HIVEP3: variants seen among roughly 807,000 people sequenced by gnomAD.
The protein encoded by HIVEP3 is transcription factor HIVEP3.
HIVEP3 carries 49 observed loss-of-function variants against 152.8 expected under a neutral mutation model. The ratio of observed to expected loss-of-function variants is 0.32; its 90% CI spans 0.26 to 0.41. HIVEP3 has a LOEUF of 0.41. Ranked by LOEUF, HIVEP3 falls within the 10% of genes least tolerant of loss-of-function variation. HIVEP3 has a pLI of 1.00. For missense variants in HIVEP3, 2,790 were observed against 3,103.3 expected (o/e 0.90, Z 2.40); for synonymous variants, 1,269 against 1,289.0 (o/e 0.98, Z 0.33).
chr1:41,709,165 G>A (rs78670063), intron 1 of HIVEP3, among the ~76,000 whole-genome samples: 2,606 of 152,310 alleles, frequency 0.017, 76 homozygotes, highest in African/African-American at 0.06. Flanking sequence ...GCTGGCCAAC[G>A]GGGAAGCTGG....
At chr1:41,768,153 C>A (rs1252098648) in intron 1 of HIVEP3, among the ~76,000 whole-genome samples, 2 of 152,156 alleles carry the variant, frequency 1.3e-5, no homozygotes, top group African/African-American at 2.4e-5. Context: ...ATAACTGAGA[C>A]TCGGAAGAAA....
At chr1:42,020,733 T>G (rs1055265084) in intron 1 of HIVEP3, among the ~76,000 whole-genome samples, 2 of 152,196 alleles carry the variant, frequency 1.3e-5, no homozygotes, top group East Asian at 1.9e-4. Context: ...TCCTGCTTCA[T>G]GGAGTTTTCA....
At chr1:41,628,993 A>G in intron 2 of HIVEP3, 46 bp from the exon 3 acceptor site, 1 of 1,214,794 alleles carries the variant, frequency 8.2e-7, no homozygotes, top group Non-Finnish European at 1.0e-6. Flanking sequence ...TTTCTTGGTC[A>G]ACTTTTTTAG....
chr1:41,666,083 T>C (rs543573310), intron 2 of HIVEP3, among the ~76,000 whole-genome samples: 2 of 152,138 alleles, frequency 1.3e-5, no homozygotes, highest in African/African-American at 4.8e-5. Flanking sequence ...TTTCCTGGAC[T>C]CAGATGCTTT....
chr1:41,763,003 G>A (rs967556077), intron 1 of HIVEP3, among the ~76,000 whole-genome samples: 1 of 152,218 alleles, frequency 6.6e-6, no homozygotes, highest in Non-Finnish European at 1.5e-5. Flanking sequence ...CTGCCAAGGT[G>A]ACTGGGGAAT....
intron 1 of HIVEP3, among the ~76,000 whole-genome samples, chr1:41,836,609 C>A (rs1643131414): frequency 6.6e-6 from 1 of 152,210 alleles, no homozygotes; most frequent in African/African-American, 2.4e-5. Flanking sequence ...TGTGGATTCC[C>A]ACACTACTCC....
rs1644454297 is a variant in HIVEP3, at chr1:41,511,395, GC to G, written c.6406-130del. ...GAGTCCAGGGTCCCGGCTGAGCTGA[GC>G]CCAGAACCAAGTTCCTGACTCCCTG... On this transcript the variant is annotated intron_variant, in intron 8 of 8. Coordinates refer to ENST00000372583, the MANE Select transcript of HIVEP3 (RefSeq NM_024503.5). The surrounding 1 kb of genome is among the most constrained non-coding windows in gnomAD (Gnocchi z 4.9). The G allele has an allele frequency of 1.2e-6, 1 of 857,884 alleles. No homozygotes were observed. The highest frequency in any genetic ancestry group is 1.7e-6 in the Non-Finnish European group (1 of 572,414). 53.1% of individuals were successfully genotyped at this position (857,884 alleles called of 1,614,324 possible).
chr1:41,716,445 G>T (rs1646595007), intron 1 of HIVEP3, among the ~76,000 whole-genome samples: 1 of 152,170 alleles, frequency 6.6e-6, no homozygotes, highest in South Asian at 2.1e-4. Context: ...CAGGCTGGGG[G>T]CACCCACCAT....
Position 41,584,984 on chromosome 1 carries a change from T to A in HIVEP3, c.-187A>T, listed in dbSNP as rs75606627. On this transcript the variant is annotated 5_prime_UTR_variant, in exon 4 of 9. Transcript: ENST00000372583. This position sits in a 1 kb window ranked among gnomAD's most constrained non-coding sequence, Gnocchi z 5.2. ...TGGCTGTGAGTGGACTCGGAGCAGG[T>A]CATCAGGGCCCACGCTATTCTATTG... is the stretch of plus-strand genomic sequence containing the variant. 2,581 of 456,432 alleles carry A rather than the reference T, an allele frequency of 5.7e-3. 62 individuals carry two copies. The highest frequency in any genetic ancestry group is 0.047 in the African/African-American group (2,356 of 49,990). The allele number at this position is 456,432 out of a possible 1,614,324, so 28.3% of individuals were successfully genotyped here.
At chr1:41,782,343 A>G (rs1649093086) in intron 1 of HIVEP3, among the ~76,000 whole-genome samples, 1 of 152,212 alleles carries the variant, frequency 6.6e-6, no homozygotes, top group African/African-American at 2.4e-5. Context: ...TCATGGGTAC[A>G]GGGTTTCAGT....
intron 1 of HIVEP3, among the ~76,000 whole-genome samples, chr1:41,779,780 T>A (rs1447829787): frequency 6.6e-6 from 1 of 152,108 alleles, no homozygotes; most frequent in Admixed American, 6.5e-5. Flanking sequence ...TAAAGGCGTG[T>A]GCCACCGTAC....
rs538949776 is a variant in HIVEP3 at position 41,527,384 on chromosome 1, G to A, written c.5208-2474C>T. Among the ~76,000 whole-genome samples, 37 of 38,792 alleles carry A rather than the reference G, an allele frequency of 9.5e-4. No individual in the cohort carries two copies. In the Middle Eastern group the frequency reaches 0.067, roughly 70 times the overall value. 25.4% of individuals were successfully genotyped at this position (38,792 alleles called of 152,430 possible). On this transcript the variant is annotated intron_variant, in intron 5 of 8. Coordinates refer to ENST00000372583, the MANE Select transcript of HIVEP3 (RefSeq NM_024503.5). ...ACTCCACACCCCTGCACTCACACTCGCACTCACACTCCACACCCTGCCCTC... is the reference window on the plus strand; with the variant it reads ...ACTCCACACCCCTGCACTCACACTCACACTCACACTCCACACCCTGCCCTC...
intron 1 of HIVEP3, among the ~76,000 whole-genome samples, chr1:41,981,487 G>A (rs1382419665): frequency 6.6e-6 from 1 of 151,842 alleles, no homozygotes; most frequent in African/African-American, 2.4e-5. Flanking sequence ...CACCTCTGCT[G>A]AGCTGGCGGC....
At chr1:41,925,409 G>C (rs552434922) in intron 1 of HIVEP3, among the ~76,000 whole-genome samples, 1 of 152,270 alleles carries the variant, frequency 6.6e-6, no homozygotes, top group Non-Finnish European at 1.5e-5. Flanking sequence ...GTAAGCTAGA[G>C]CAAAGAAAAT....
chr1:41,794,262 G>A (rs540674185), intron 1 of HIVEP3, among the ~76,000 whole-genome samples: 3 of 152,236 alleles, frequency 2.0e-5, no homozygotes, highest in Admixed American at 6.5e-5. Flanking sequence ...ACCAGATTTC[G>A]AGAGACTTAT....
At chr1:42,017,298 T>A (rs956207658) in intron 1 of HIVEP3, among the ~76,000 whole-genome samples, 15 of 152,212 alleles carry the variant, frequency 9.9e-5, no homozygotes, top group African/African-American at 2.9e-4. Context: ...AGGATCCAGG[T>A]TTTTTTAAAT....
rs60729364 is a variant in HIVEP3 at position 41,791,121 on chromosome 1, TACACACACACAC to T, written c.-800-90138_-800-90127del. Among the ~76,000 whole-genome samples, 1,261 of 140,828 alleles carry T rather than the reference TACACACACACAC, an allele frequency of 9.0e-3. 14 individuals carry two copies. Among genetic ancestry groups the T allele is most frequent in the African/African-American group, 0.028 (1,053 of 38,124 alleles). The allele number at this position is 140,828 out of a possible 152,430, so 92.4% of individuals were successfully genotyped here. On this transcript the variant is annotated intron_variant, in intron 1 of 8. Coordinates refer to ENST00000372583, the MANE Select transcript of HIVEP3 (RefSeq NM_024503.5). ...TCCCCACAGCACAGGCACACATGTG[TACACACACACAC>T]ACACACACACACACACACACACACA...
intron 5 of HIVEP3, among the ~76,000 whole-genome samples, chr1:41,571,228 G>A (rs926652230): frequency 2.0e-5 from 3 of 152,194 alleles, no homozygotes; most frequent in Non-Finnish European, 2.9e-5. Flanking sequence ...ATCAATTCCA[G>A]TCTCTTCCTC....
chr1:41,672,461 G>A (rs1645892122), intron 2 of HIVEP3, among the ~76,000 whole-genome samples: 1 of 152,224 alleles, frequency 6.6e-6, no homozygotes, highest in African/African-American at 2.4e-5. Context: ...GAATGACTCT[G>A]CAGTCCCACG....
Sources: allele counts gnomAD v4.1 joint callset (sites outside exome capture counted in the v4.1 genomes callset), GRCh38; gene constraint gnomAD v4.1.1; non-coding constraint Gnocchi (gnomAD v3.1); transcripts MANE v1.5; gene names NCBI Gene and HGNC (gene_info 2026-07-23, HGNC 2026-07-21).